Variants in DMD observed in about 807,000 individuals in gnomAD.
The protein encoded by DMD is mutant dystrophin.
Under a neutral mutation model 330.1 loss-of-function variants are expected in DMD, and 63 were observed. That is an observed-to-expected ratio of 0.19 (90% confidence interval 0.16 to 0.24). The LOEUF (loss-of-function observed/expected upper bound fraction) is 0.24, where lower values mean the gene tolerates loss of function less well. Among genes scored for constraint, DMD ranks in the 10% least tolerant of loss-of-function variants. The pLI is 1.00. For missense variants in DMD, 3,344 were observed against 2,684.1 expected, an observed-to-expected ratio of 1.25 and a Z score of -5.43; for synonymous variants, 1,223 against 959.8, an observed-to-expected ratio of 1.27 and a Z score of -5.07.
intron 2 of DMD, among the ~76,000 whole-genome samples, chrX:32,887,672 C>T (rs1159837503): frequency 5.4e-5 from 5 of 92,948 alleles, no homozygotes; most frequent in Non-Finnish European, 8.1e-5. Context: ...CACTGGAGCC[C>T]GGAAGGTGGA....
chrX:32,833,440 T>C (rs952994270), intron 4 of DMD, among the ~76,000 whole-genome samples: 2 of 110,668 alleles, frequency 1.8e-5, no homozygotes, highest in African/African-American at 6.5e-5. Flanking sequence ...GGAAAGTAGC[T>C]CTTTTAACTA....
At chrX:32,470,153 A>T (rs1385428048) in intron 22 of DMD, among the ~76,000 whole-genome samples, 2 of 111,034 alleles carry the variant, frequency 1.8e-5, no homozygotes, top group African/African-American at 6.5e-5. Context: ...TTACAATTTA[A>T]GTTACAATTA....
At chrX:33,305,349 T>C (rs1432068602) in intron 1 of DMD, among the ~76,000 whole-genome samples, 1 of 98,470 alleles carries the variant, frequency 1.0e-5, no homozygotes, top group East Asian at 3.2e-4. Flanking sequence ...TTCTCACTCA[T>C]AGGTGGGAAC....
chrX:31,886,211 T>C (rs2094152133), intron 47 of DMD, among the ~76,000 whole-genome samples: 1 of 111,450 alleles, frequency 9.0e-6, no homozygotes, highest in African/African-American at 3.2e-5. Context: ...TAAAATCCTA[T>C]CTCACACAAT....
intron 45 of DMD, among the ~76,000 whole-genome samples, chrX:31,965,090 A>C (rs895495810): frequency 1.8e-5 from 2 of 111,598 alleles, no homozygotes; most frequent in Non-Finnish European, 3.8e-5. Flanking sequence ...TCTAAGTAAA[A>C]TCCTCTTCAT....
At chrX:31,477,796 T>TACAC (rs10597133) in intron 59 of DMD, among the ~76,000 whole-genome samples, 96 of 99,319 alleles carry the variant, frequency 9.7e-4, no homozygotes, top group South Asian at 3.5e-3. Flanking sequence ...AATACACCAA[T>TACAC]ACACACACAC....
intron 55 of DMD, among the ~76,000 whole-genome samples, chrX:31,550,485 T>C (rs192840774): frequency 8.5e-4 from 96 of 112,386 alleles, no homozygotes; most frequent in Admixed American, 5.8e-3. Context: ...CATTTAAATA[T>C]AGAGTTGCTA....
At chrX:31,368,431 TC>T (rs1461457177) in intron 60 of DMD, among the ~76,000 whole-genome samples, 1 of 111,707 alleles carries the variant, frequency 9.0e-6, no homozygotes, top group East Asian at 2.8e-4. Context: ...CTTGCCCATA[TC>T]AGATGAAAAA....
chrX:33,317,122 T>C (rs1385181119), intron 1 of DMD, among the ~76,000 whole-genome samples: 1 of 111,099 alleles, frequency 9.0e-6, no homozygotes, highest in Non-Finnish European at 1.9e-5. Context: ...TTTTTTTTCT[T>C]ATCTGACAAG....
At chrX:32,608,658 A>T (rs1348748518) in intron 12 of DMD, among the ~76,000 whole-genome samples, 2 of 110,497 alleles carry the variant, frequency 1.8e-5, no homozygotes, top group African/African-American at 3.3e-5. Flanking sequence ...GCCATGATGG[A>T]GACGATTTGG....
At chrX:31,639,925 A>C (rs1308251938) in intron 54 of DMD, among the ~76,000 whole-genome samples, 1 of 110,940 alleles carries the variant, frequency 9.0e-6, no homozygotes, top group East Asian at 2.8e-4. Flanking sequence ...GGGGAATCTC[A>C]AGAGAAAGTT....
intron 7 of DMD, among the ~76,000 whole-genome samples, chrX:32,729,368 T>C (rs1225915861): frequency 1.8e-5 from 2 of 112,047 alleles, no homozygotes; most frequent in African/African-American, 6.5e-5. Context: ...GCCCAATATT[T>C]AGTCTTGAGG....
intron 30 of DMD, among the ~76,000 whole-genome samples, chrX:32,399,973 G>A (rs1462494120): frequency 1.8e-5 from 2 of 111,272 alleles, no homozygotes; most frequent in African/African-American, 6.5e-5. Flanking sequence ...TAATTGCCCT[G>A]GCCAGAACTT....
chrX:33,307,244 C>G (rs2053776301), intron 1 of DMD, among the ~76,000 whole-genome samples: 1 of 111,799 alleles, frequency 8.9e-6, no homozygotes, highest in Non-Finnish European at 1.9e-5. Flanking sequence ...TTTCTACTGG[C>G]TGGCCCTATT....
At chrX:31,146,495 A>G in intron 75 of DMD, 81 bp from the exon 76 acceptor site, 1 of 1,036,117 alleles carries the variant, frequency 9.7e-7, no homozygotes. Context: ...ATACACACTC[A>G]GGACTCATAA....
chrX:31,526,685 C>T (rs1490086047), intron 55 of DMD, among the ~76,000 whole-genome samples: 1 of 112,143 alleles, frequency 8.9e-6, no homozygotes, highest in Non-Finnish European at 1.9e-5. Context: ...CTCTCTCCTT[C>T]CACCTTCTGG....
In DMD at chrX:31,658,079, T is replaced by C; in HGVS notation, c.7938A>G (p.Lys2646=). 1 of 1,211,887 alleles carries C rather than the reference T, an allele frequency of 8.3e-7. No individual in the cohort carries two copies. Among genetic ancestry groups the C allele is most frequent in the Non-Finnish European group, 1.1e-6 (1 of 895,379 alleles). ...CATCTGCAGAATAATCCCGGAGAAGTTTCAGGGCCAAGTCATTTGCCACAT... is the reference window on the plus strand; with the variant it reads ...CATCTGCAGAATAATCCCGGAGAAGCTTCAGGGCCAAGTCATTTGCCACAT... ...NVDVANDLAL[K]LLRDYSADDT... Residue 2646 remains lysine (K), a synonymous_variant, in exon 54 of 79, where the codon AAA becomes AAG. Coordinates refer to ENST00000357033, the MANE Select transcript of DMD (RefSeq NM_004006.3).
At chrX:33,270,797 C>G (rs2148913025) in intron 1 of DMD, among the ~76,000 whole-genome samples, 1 of 112,002 alleles carries the variant, frequency 8.9e-6, no homozygotes, top group African/African-American at 3.2e-5. Context: ...GCTGAATAAA[C>G]TATTAATTTT....
intron 2 of DMD, among the ~76,000 whole-genome samples, chrX:32,978,165 G>T (rs1399225547): frequency 1.1e-4 from 12 of 111,861 alleles, no homozygotes; most frequent in Non-Finnish European, 2.3e-4. Flanking sequence ...AGGGCAGGAA[G>T]AGTTTACTAC....
Sources: gnomAD v4.1 joint callset for allele counts (sites outside exome capture counted in the v4.1 genomes callset) on GRCh38, gnomAD v4.1.1 for gene constraint, MANE v1.5 for transcripts, NCBI Gene and HGNC (gene_info 2026-07-23, HGNC 2026-07-21) for gene names.